Variants in MYBL2 observed in about 807,000 individuals in gnomAD.
The protein encoded by MYBL2 is MYB proto-oncogene like 2.
MYBL2 carries 28 observed loss-of-function variants against 79.9 expected under a neutral mutation model. The ratio of observed to expected loss-of-function variants is 0.35; its 90% CI spans 0.26 to 0.48. The LOEUF (loss-of-function observed/expected upper bound fraction) is 0.48, where lower values mean the gene tolerates loss of function less well. MYBL2 is among the 20% of genes least tolerant of loss of function. The pLI, the probability that MYBL2 is intolerant of heterozygous loss-of-function variation, is 0.99. For synonymous variants in MYBL2, 378 were observed against 361.2 expected, an observed-to-expected ratio of 1.05 and a Z score of -0.53; for missense variants, 735 against 893.9, an observed-to-expected ratio of 0.82 and a Z score of 2.27.
chr20:43,693,621 G>A (rs761411370), intron 6 of MYBL2, among the ~76,000 whole-genome samples: 9 of 152,130 alleles, frequency 5.9e-5, no homozygotes, highest in Non-Finnish European at 1.2e-4. Flanking sequence ...ACAGACGTGA[G>A]CCAGCATGCC....
At chr20:43,683,701 G>A (rs370638207) in intron 4 of MYBL2, among the ~76,000 whole-genome samples, 34 of 151,786 alleles carry the variant, frequency 2.2e-4, no homozygotes, top group African/African-American at 8.2e-4. Flanking sequence ...TTACAGGCAC[G>A]TGCTACCACA....
chr20:43,667,594 T>C (rs1986749343), intron 1 of MYBL2, among the ~76,000 whole-genome samples: 1 of 151,974 alleles, frequency 6.6e-6, no homozygotes, highest in African/African-American at 2.4e-5. Context: ...TGTCATTTTG[T>C]CTCCCGCCTA....
intron 9 of MYBL2, among the ~76,000 whole-genome samples, chr20:43,707,198 A>ATTTTT: frequency 2.0e-5 from 3 of 150,876 alleles, no homozygotes; most frequent in African/African-American, 7.3e-5. Flanking sequence ...TTTTTTTTAA[A>ATTTTT]AAAAAAAGAG....
At position 43,692,248 on chromosome 20, in the gene MYBL2, C is replaced by G. The variant is rs751745027; in HGVS notation, c.592C>G (p.Pro198Ala). Residue 198 changes from proline (P) to alanine (A), a missense_variant, in exon 6 of 14, where the codon CCC becomes GCC. This residue lies in a region of MYBL2 where 144 missense variants were observed against 131.9 expected (regional missense o/e 1.09). Transcript: ENST00000217026. ...GFLSESKDCKPPVYLLLELED... is the reference protein window; with the variant it reads ...GFLSESKDCKAPVYLLLELED... Reference sequence around the variant, plus strand: ...CTTGAGCGAGTCCAAAGACTGCAAGCCCCCAGTGTACTTGCTGCTGGAGCT... The same window carrying G: ...CTTGAGCGAGTCCAAAGACTGCAAGGCCCCAGTGTACTTGCTGCTGGAGCT... 2 of 1,614,172 alleles carry G rather than the reference C, an allele frequency of 1.2e-6. No individual in the cohort carries two copies. The highest frequency in any genetic ancestry group is 1.1e-5 in the South Asian group (1 of 91,082).
chr20:43,676,840 A>G (rs1987021054), intron 2 of MYBL2, among the ~76,000 whole-genome samples: 2 of 147,728 alleles, frequency 1.4e-5, no homozygotes, highest in Admixed American at 1.3e-4. Flanking sequence ...TTTTCAACCC[A>G]TAGTTAACAT....
rs1158668093 is a variant in MYBL2, at chr20:43,702,579, G to A, written c.1041G>A (p.Leu347=). The A allele has an allele frequency of 6.2e-7, 1 of 1,614,196 alleles. No individual in the cohort carries two copies. Among genetic ancestry groups the A allele is most frequent in the Non-Finnish European group, 8.5e-7 (1 of 1,180,036 alleles). Residue 347 remains leucine (L), a synonymous_variant, in exon 8 of 14, where the codon CTG becomes CTA. Coordinates refer to ENST00000217026, the MANE Select transcript of MYBL2 (RefSeq NM_002466.4). ...EDSINNSLVQ[L]QASHQQQVLP... ...GTATCAACAACAGCCTAGTGCAGCT[G>A]CAAGCGTCACATCAGCAGCAAGTCC...
intron 1 of MYBL2, among the ~76,000 whole-genome samples, chr20:43,671,879 C>G (rs1986866621): frequency 1.3e-5 from 2 of 151,146 alleles, no homozygotes; most frequent in Admixed American, 1.3e-4. Context: ...GCAGCTCGTA[C>G]TGTTTTTTTT....
At chr20:43,680,939 C>G (rs564977760) in intron 2 of MYBL2, among the ~76,000 whole-genome samples, 19 of 152,280 alleles carry the variant, frequency 1.2e-4, no homozygotes, top group Admixed American at 7.9e-4. Context: ...TCCTTGCCCC[C>G]CTTTGCTGTT....
chr20:43,686,821 G>A, intron 4 of MYBL2, 31 bp from the exon 5 acceptor site: 1 of 1,606,878 alleles, frequency 6.2e-7, no homozygotes, highest in South Asian at 1.1e-5. Context: ...AGGGGCCGGT[G>A]CAAGTGGCTA....
chr20:43,696,211 G>T (rs1238887939), intron 6 of MYBL2, among the ~76,000 whole-genome samples: 1 of 151,896 alleles, frequency 6.6e-6, no homozygotes, highest in South Asian at 2.1e-4. Flanking sequence ...ATAGAATTGG[G>T]CAATGCAGAA....
At chr20:43,691,965 G>C (rs943123931) in intron 5 of MYBL2, among the ~76,000 whole-genome samples, 192 bp from the exon 6 acceptor site, 2 of 151,952 alleles carry the variant, frequency 1.3e-5, no homozygotes, top group Admixed American at 1.3e-4. Flanking sequence ...AGAGCTTCGT[G>C]GAAATGCTCT....
chr20:43,705,672 A>ATATTTATTTATTTATTTATT (rs138328914), intron 9 of MYBL2, among the ~76,000 whole-genome samples: 2 of 144,646 alleles, frequency 1.4e-5, no homozygotes, highest in African/African-American at 5.2e-5. Flanking sequence ...AATTAAAAAA[A>ATATTTATTTATTTATTTATT]TATTTATTTA....
chr20:43,679,755 A>AG lies in MYBL2; in HGVS notation c.115-2029_115-2028insG, dbSNP rs554745656. On this transcript the variant is annotated intron_variant, in intron 2 of 13. Coordinates refer to ENST00000217026, the MANE Select transcript of MYBL2 (RefSeq NM_002466.4). ...GAGATCCTGTCTCTACAACAAAAAA[A>AG]TGAAAATTAGCCAGGCCTGGTGGTG... 7.9e-5 allele frequency among the ~76,000 whole-genome samples: 12 copies of AG among 152,210 alleles called. No homozygotes were observed. The East Asian group carries it at 2.3e-3, about 29-fold the overall frequency.
intron 7 of MYBL2, 99 bp from the exon 8 acceptor site, chr20:43,702,391 G>A: frequency 7.7e-7 from 1 of 1,306,818 alleles, no homozygotes; most frequent in Non-Finnish European, 1.1e-6. Flanking sequence ...GTCCTGGGCT[G>A]TGGGATCATA....
intron 2 of MYBL2, among the ~76,000 whole-genome samples, chr20:43,678,883 CAT>C (rs57927090): frequency 0.015 from 1,777 of 120,400 alleles, 43 homozygotes; most frequent in African/African-American, 0.054. Context: ...AAGAAAAAAA[CAT>C]ATAGAGCACA....
chr20:43,695,362 C>T (rs138728305), intron 6 of MYBL2, among the ~76,000 whole-genome samples: 15 of 152,166 alleles, frequency 9.9e-5, no homozygotes, highest in African/African-American at 3.4e-4. Flanking sequence ...CAGCCTTACC[C>T]GTGTCTCTCC....
Position 43,710,041 on chromosome 20 carries a change from G to A in MYBL2, c.1584G>A (p.Lys528=), listed in dbSNP as rs370810208. The A allele has an allele frequency of 1.6e-5, 26 of 1,607,220 alleles. No individual in the cohort carries two copies. The highest frequency in any genetic ancestry group is 4.0e-5 in the African/African-American group (3 of 74,896). ...CCCCGTTCAAGAACGCCCTGGAGAA[G>A]TACGGACCCCTGAAGCCCCTGGTAC... The part of the protein sequence containing the change: ...TPTPFKNALE[K]YGPLKPLPQT... The change falls in exon 10 of 14, where the codon AAG becomes AAA. Residue 528 remains lysine, a synonymous_variant. Transcript: ENST00000217026.
chr20:43,705,672 A>ATATTTATTTATTTATT (rs138328914), intron 9 of MYBL2, among the ~76,000 whole-genome samples: 30 of 144,646 alleles, frequency 2.1e-4, no homozygotes, highest in African/African-American at 2.9e-4. Context: ...AATTAAAAAA[A>ATATTTATTTATTTATT]TATTTATTTA....
Position 43,699,858 on chromosome 20 carries a change from G to A in MYBL2, c.765G>A (p.Glu255=). 1.2e-6 allele frequency: 2 copies of A among 1,614,162 alleles called. No individual in the cohort carries two copies. The highest frequency in any genetic ancestry group is 2.2e-5 in the East Asian group (1 of 44,890). The change falls in exon 7 of 14, where the codon GAG becomes GAA. Residue 255 remains glutamate (E), a synonymous_variant. Transcript: ENST00000217026. The part of the protein sequence containing the change: ...LAAATTSKEQ[E]PIGTDLDAVR... ...CAGCCACCACATCGAAGGAACAGGAGCCCATCGGTACAGATCTGGACGCAG... is the reference window on the plus strand; with the variant it reads ...CAGCCACCACATCGAAGGAACAGGAACCCATCGGTACAGATCTGGACGCAG...
Sources: gnomAD v4.1 joint callset for allele counts (sites outside exome capture counted in the v4.1 genomes callset) on GRCh38, gnomAD v4.1.1 for gene constraint, gnomAD v4.1.1 regional missense constraint, MANE v1.5 for transcripts, NCBI Gene and HGNC (gene_info 2026-07-23, HGNC 2026-07-21) for gene names.